The following THSD7A variants were observed in gnomAD, a reference collection of about 807,000 sequenced individuals.
THSD7A encodes thrombospondin type-1 domain-containing protein 7A.
Under a neutral mutation model 231.3 loss-of-function variants are expected in THSD7A, and 96 were observed. The observed-to-expected ratio is 0.41, with a 90% CI of 0.35 to 0.49. The LOEUF (loss-of-function observed/expected upper bound fraction) is 0.49, where lower values mean the gene tolerates loss of function less well. THSD7A is among the 20% of genes least tolerant of loss of function. The pLI, the probability that THSD7A is intolerant of heterozygous loss-of-function variation, is 0.05. For synonymous variants in THSD7A, 940 were observed against 743.3 expected, an observed-to-expected ratio of 1.26 and a Z score of -4.30; for missense variants, 2,290 against 2,070.2, an observed-to-expected ratio of 1.11 and a Z score of -2.06.
At chr7:11,589,407 A>G (rs1175384330) in intron 4 of THSD7A, among the ~76,000 whole-genome samples, 1 of 152,104 alleles carries the variant, frequency 6.6e-6, no homozygotes, top group Non-Finnish European at 1.5e-5. Context: ...CACTCTTGCC[A>G]TGCTTCCCTG....
intron 2 of THSD7A, among the ~76,000 whole-genome samples, chr7:11,614,123 G>A (rs909014416): frequency 2.0e-5 from 3 of 152,086 alleles, no homozygotes; most frequent in Non-Finnish European, 4.4e-5. Flanking sequence ...GCAAATATAT[G>A]GTATTATTCT....
At chr7:11,515,398 T>C (rs1052962883) in intron 6 of THSD7A, among the ~76,000 whole-genome samples, 3 of 152,150 alleles carry the variant, frequency 2.0e-5, no homozygotes, top group Non-Finnish European at 4.4e-5. Context: ...AATGTTCAAC[T>C]TGACTTCAGA....
intron 16 of THSD7A, among the ~76,000 whole-genome samples, chr7:11,419,350 T>C (rs1458732850): frequency 6.6e-6 from 1 of 152,166 alleles, no homozygotes; most frequent in Non-Finnish European, 1.5e-5. Context: ...TCTCATGAGA[T>C]ACAATGGTTT....
intron 23 of THSD7A, among the ~76,000 whole-genome samples, chr7:11,392,505 G>C (rs1783022329): frequency 6.6e-6 from 1 of 152,042 alleles, no homozygotes; most frequent in Non-Finnish European, 1.5e-5. Context: ...TCATACCCAA[G>C]TGGGGCCTGG....
chr7:11,443,000 C>A (rs558392849), intron 13 of THSD7A, among the ~76,000 whole-genome samples: 1 of 152,112 alleles, frequency 6.6e-6, no homozygotes, highest in East Asian at 1.9e-4. Context: ...CTGCCTTTGG[C>A]CAATTTCAAT....
At chr7:11,548,971 C>T (rs1789513511) in intron 4 of THSD7A, among the ~76,000 whole-genome samples, 1 of 151,868 alleles carries the variant, frequency 6.6e-6, no homozygotes, top group South Asian at 2.1e-4. Context: ...AACAGACAAC[C>T]TACACAATAG....
intron 8 of THSD7A, among the ~76,000 whole-genome samples, chr7:11,473,734 G>A (rs575956839): frequency 6.6e-6 from 1 of 152,128 alleles, no homozygotes; most frequent in Admixed American, 6.5e-5. Flanking sequence ...TGTTTGCCCT[G>A]TTATTATAGT....
intron 1 of THSD7A, chr7:11,821,288 G>A (rs1784865758): frequency 1.5e-5 from 14 of 934,354 alleles, no homozygotes; most frequent in East Asian, 4.9e-5. Flanking sequence ...AAAATGGAAC[G>A]AAACTCCTAT....
At chr7:11,465,658 A>T (rs1165221458) in intron 9 of THSD7A, among the ~76,000 whole-genome samples, 1 of 152,066 alleles carries the variant, frequency 6.6e-6, no homozygotes, top group African/African-American at 2.4e-5. Context: ...CTCATCCAAG[A>T]AGCAAAATGT....
At chr7:11,433,161 A>G (rs1562605439) in intron 13 of THSD7A, among the ~76,000 whole-genome samples, 1 of 152,054 alleles carries the variant, frequency 6.6e-6, no homozygotes, top group Non-Finnish European at 1.5e-5. Flanking sequence ...ATTTCACAGT[A>G]GTGTTACTGA....
chr7:11,430,804 T>C lies in THSD7A; in HGVS notation c.3065-1679A>G, dbSNP rs148996779. Among the ~76,000 whole-genome samples the C allele has an allele frequency of 9.8e-4, 149 of 152,336 alleles. 3 individuals are homozygous for C. The East Asian group carries it at 0.019, about 20-fold the overall frequency. ...CTTAGTATAATGTTTTCAAGGTTCATTTATGTTATAGCATGTATCAGTTCT... is the reference window on the plus strand; with the variant it reads ...CTTAGTATAATGTTTTCAAGGTTCACTTATGTTATAGCATGTATCAGTTCT... On this transcript the variant is annotated intron_variant, in intron 13 of 27. Transcript: ENST00000423059.
At chr7:11,569,390 G>C (rs996567951) in intron 4 of THSD7A, among the ~76,000 whole-genome samples, 1 of 152,066 alleles carries the variant, frequency 6.6e-6, no homozygotes, top group Non-Finnish European at 1.5e-5. Context: ...TTTCTTAAAA[G>C]AATACATACA....
At chr7:11,561,207 A>G (rs1790062754) in intron 4 of THSD7A, among the ~76,000 whole-genome samples, 2 of 152,186 alleles carry the variant, frequency 1.3e-5, no homozygotes, top group African/African-American at 2.4e-5. Context: ...GTCTAGCTAA[A>G]TACACAGGCA....
chr7:11,607,822 T>C (rs1285430156), intron 2 of THSD7A, among the ~76,000 whole-genome samples: 2 of 152,074 alleles, frequency 1.3e-5, no homozygotes, highest in African/African-American at 2.4e-5. Context: ...TATTTGAAAA[T>C]CTTTTGTTGA....
intron 19 of THSD7A, among the ~76,000 whole-genome samples, chr7:11,408,542 A>C (rs2115375335): frequency 6.6e-6 from 1 of 152,104 alleles, no homozygotes; most frequent in African/African-American, 2.4e-5. Context: ...AGAAATAGGA[A>C]AATGTAAGAG....
chr7:11,379,193 C>G lies in THSD7A; in HGVS notation c.4678G>C (p.Val1560Leu). Residue 1560 changes from valine (V) to leucine (L), a missense_variant, in exon 26 of 28, where the codon GTA (valine) becomes CTA (leucine). Coordinates refer to ENST00000423059, the MANE Select transcript of THSD7A (RefSeq NM_015204.3). Reference sequence around the variant, plus strand: ...CTTTTGTCCTCCATGGTGGGTAATACCACCACGGGGATAAGTGTGCATTGC... The same window carrying G: ...CTTTTGTCCTCCATGGTGGGTAATAGCACCACGGGGATAAGTGTGCATTGC... ...LEQCTLIPVV[V>L]LPTMEDKRGD... 6.2e-7 allele frequency: 1 copy of G among 1,613,630 alleles called. No homozygotes were observed. Among genetic ancestry groups the G allele is most frequent in the Non-Finnish European group, 8.5e-7 (1 of 1,179,686 alleles).
chr7:11,647,109 G>C (rs1011725293), intron 1 of THSD7A, among the ~76,000 whole-genome samples: 1 of 151,938 alleles, frequency 6.6e-6, no homozygotes, highest in East Asian at 1.9e-4. Context: ...GCACATAGGC[G>C]GTTCCTGATA....
At chr7:11,560,866 G>T (rs536287937) in intron 4 of THSD7A, among the ~76,000 whole-genome samples, 1 of 152,236 alleles carries the variant, frequency 6.6e-6, no homozygotes, top group South Asian at 2.1e-4. Context: ...CAAAAGTTTA[G>T]AAGAGGGTTT....
In THSD7A at chr7:11,474,685, CAA is replaced by C; in HGVS notation, c.2018-119_2018-118del. The C allele has an allele frequency of 1.3e-6, 1 of 781,680 alleles. No individual in the cohort carries two copies. The highest frequency in any genetic ancestry group is 2.0e-6 in the Non-Finnish European group (1 of 498,728). The allele number at this position is 781,680 out of a possible 1,614,324, so 48.4% of individuals were successfully genotyped here. On this transcript the variant is annotated intron_variant, in intron 7 of 27. Coordinates refer to ENST00000423059, the MANE Select transcript of THSD7A (RefSeq NM_015204.3). The surrounding 1 kb of genome is among the most constrained non-coding windows in gnomAD (Gnocchi z 4.1). ...AAAAAGTGACTTTTCTTCCCCACATCAAGTTCATAAATACACGCAATATTTAT... is the reference window on the plus strand; with the variant it reads ...AAAAAGTGACTTTTCTTCCCCACATCGTTCATAAATACACGCAATATTTAT...
Sources: gnomAD v4.1 joint callset for allele counts (sites outside exome capture counted in the v4.1 genomes callset) on GRCh38, gnomAD v4.1.1 for gene constraint, Gnocchi (gnomAD v3.1) non-coding constraint, MANE v1.5 for transcripts, NCBI Gene and HGNC (gene_info 2026-07-23, HGNC 2026-07-21) for gene names.